The following AFF4 variants were observed in gnomAD, a reference collection of about 807,000 sequenced individuals.
AFF4 encodes AF4/FMR2 family member 4.
AFF4 carries 13 observed loss-of-function variants against 124.8 expected under a neutral mutation model. That is an observed-to-expected ratio of 0.10 (90% CI 0.07 to 0.17). The LOEUF is 0.17. Among genes scored for constraint, AFF4 ranks in the 10% least tolerant of loss-of-function variants. AFF4 has a pLI of 1.00. For missense variants in AFF4, 1,092 were observed against 1,403.8 expected (o/e 0.78, Z 3.55); for synonymous variants, 477 against 496.1 (o/e 0.96, Z 0.51).
chr5:132,935,038 G>T, intron 2 of AFF4, 97 bp from the exon 3 acceptor site: 1 of 967,530 alleles, frequency 1.0e-6, no homozygotes. Flanking sequence ...ATGGAAAGGG[G>T]CTTTTCAAAG....
rs764952985 is a variant in AFF4, at chr5:132,893,159, C to T, written c.2308-41G>A. 1.9e-6 allele frequency: 3 copies of T among 1,545,570 alleles called. 1 individual carries two copies. The South Asian group carries it at 3.3e-5, about 17-fold the overall frequency. ...AAACCGTGGTCTGATTTTTATTCAA[C>T]TAACTTCAGCTTCCAGCACTAGCTA... On this transcript the variant is annotated intron_variant, in intron 11 of 20. Transcript: ENST00000265343.
chr5:132,928,549 T>C (rs1761232146), intron 4 of AFF4, among the ~76,000 whole-genome samples: 1 of 152,214 alleles, frequency 6.6e-6, no homozygotes, highest in Admixed American at 6.5e-5. Context: ...TAGACTACTA[T>C]GGCACATGTA....
In AFF4 at chr5:132,904,353, G is replaced by A; in HGVS notation, c.1087+15C>T. On this transcript the variant is annotated intron_variant, in intron 6 of 20. Transcript: ENST00000265343. ...ATAGCTTAATTTGAAAACAAAGAGG[G>A]AAAGAAATACTCACTTTGTTCTCCA... 1 of 1,606,120 alleles carries A rather than the reference G, an allele frequency of 6.2e-7. No individual in the cohort carries two copies. Among genetic ancestry groups the A allele is most frequent in the Non-Finnish European group, 8.5e-7 (1 of 1,176,156 alleles).
chr5:132,881,406 G>C (rs1157867933), intron 20 of AFF4, among the ~76,000 whole-genome samples: 2 of 152,180 alleles, frequency 1.3e-5, no homozygotes, highest in African/African-American at 4.8e-5. Flanking sequence ...TGTATGGTCA[G>C]AAATTAAGTG....
chr5:132,960,081 G>T (rs1220695908), intron 1 of AFF4, among the ~76,000 whole-genome samples: 1 of 152,050 alleles, frequency 6.6e-6, no homozygotes, highest in Admixed American at 6.6e-5. Flanking sequence ...TTAAACCAAA[G>T]GAAAAAGCAG....
chr5:132,933,101 A>G (rs923860279), intron 3 of AFF4, among the ~76,000 whole-genome samples: 1 of 152,138 alleles, frequency 6.6e-6, no homozygotes, highest in African/African-American at 2.4e-5. Context: ...AACTACATTA[A>G]AAGATAAAAT....
intron 5 of AFF4, among the ~76,000 whole-genome samples, chr5:132,920,040 T>C (rs1483994309): frequency 1.3e-5 from 2 of 151,552 alleles, no homozygotes; most frequent in Non-Finnish European, 2.9e-5. Context: ...TAGGCAAAGA[T>C]TTTTCTTTTT....
chr5:132,951,304 T>TC (rs1473002124), intron 1 of AFF4, among the ~76,000 whole-genome samples: 1 of 152,090 alleles, frequency 6.6e-6, no homozygotes, highest in Non-Finnish European at 1.5e-5. Flanking sequence ...ATTCTCCACC[T>TC]CCTCAGCAAC....
In AFF4 at chr5:132,893,204, T is replaced by C. The variant is rs576451632; in HGVS notation, c.2308-86A>G. On this transcript the variant is annotated intron_variant, in intron 11 of 20. Transcript: ENST00000265343. Reference sequence around the variant, plus strand: ...TAGCTACCCACAAAGAGTTTATCCATGATTAGGCATCAGAAAGAAGATAAA... The same window carrying C: ...TAGCTACCCACAAAGAGTTTATCCACGATTAGGCATCAGAAAGAAGATAAA... The C allele has an allele frequency of 7.2e-5, 73 of 1,013,332 alleles. No homozygotes were observed. In the African/African-American group the frequency reaches 1.0e-3, roughly 14 times the overall value. The allele number at this position is 1,013,332 out of a possible 1,614,324, so 62.8% of individuals were successfully genotyped here. A position where few individuals can be genotyped will look rare whatever the true frequency, so the allele number is the denominator to read the frequency against.
chr5:132,932,749 C>A (rs779808836), intron 3 of AFF4, among the ~76,000 whole-genome samples: 1 of 152,192 alleles, frequency 6.6e-6, no homozygotes, highest in Admixed American at 6.5e-5. Context: ...TGAAAGATTA[C>A]TAGTCTGGAA....
chr5:132,938,292 G>C (rs1761480499), intron 1 of AFF4, among the ~76,000 whole-genome samples: 1 of 149,224 alleles, frequency 6.7e-6, no homozygotes, highest in Non-Finnish European at 1.5e-5. Context: ...TTGAAACAGA[G>C]TCTTGCTCTA....
At chr5:132,936,882 T>C (rs1217794602) in intron 2 of AFF4, among the ~76,000 whole-genome samples, 185 bp downstream of exon 2, 2 of 152,224 alleles carry the variant, frequency 1.3e-5, no homozygotes, top group African/African-American at 4.8e-5. Flanking sequence ...TATTTTTCTG[T>C]AAGCATAATA....
At chr5:132,945,785 G>A (rs1472521971) in intron 1 of AFF4, among the ~76,000 whole-genome samples, 1 of 151,160 alleles carries the variant, frequency 6.6e-6, no homozygotes, top group East Asian at 2.0e-4. Context: ...AACAGGCCGG[G>A]CACGGTGGCT....
intron 2 of AFF4, among the ~76,000 whole-genome samples, chr5:132,935,925 A>T (rs796531245): frequency 1.4e-5 from 2 of 142,844 alleles, no homozygotes; most frequent in East Asian, 4.0e-4. Flanking sequence ...TCCTTCTCAT[A>T]AAAAAAAAAA....
At chr5:132,926,322 G>C in intron 5 of AFF4, 1 of 372,062 alleles carries the variant, frequency 2.7e-6, no homozygotes, top group Non-Finnish European at 5.4e-6. Context: ...TGTATTATTT[G>C]TTTTAAGTGT....
chr5:132,884,325 C>T (rs1035865786), intron 19 of AFF4, among the ~76,000 whole-genome samples: 3 of 152,132 alleles, frequency 2.0e-5, no homozygotes, highest in Admixed American at 6.5e-5. Flanking sequence ...GCAACCTCCA[C>T]GCCTCCCTGG....
chr5:132,934,678 A>C lies in AFF4; in HGVS notation c.387T>G (p.Ser129Arg). The C allele has an allele frequency of 6.2e-7, 1 of 1,613,730 alleles. No individual in the cohort carries two copies. Among genetic ancestry groups the C allele is most frequent in the Non-Finnish European group, 8.5e-7 (1 of 1,179,934 alleles). Reference sequence around the variant, plus strand: ...CGCTGGTCCGCTGGCTACTATGTCCACTCTGTAAGCCTGAGGACCGTTTCT... The same window carrying C: ...CGCTGGTCCGCTGGCTACTATGTCCCCTCTGTAAGCCTGAGGACCGTTTCT... ...QSQKRSSGLQ[S>R]GHSSQRTSAG... The change falls in exon 3 of 21, where the codon AGT (serine) becomes AGG (arginine). Residue 129 changes from serine (S) to arginine (R), a missense_variant. Physicochemically the swap from Ser to Arg is moderately radical, Grantham distance 110. This residue lies in a region of AFF4 where 188 missense variants were observed against 203.0 expected (regional missense o/e 0.93). Transcript: ENST00000265343.
At chr5:132,949,431 C>A (rs766316335) in intron 1 of AFF4, among the ~76,000 whole-genome samples, 2 of 152,142 alleles carry the variant, frequency 1.3e-5, no homozygotes, top group Non-Finnish European at 2.9e-5. Flanking sequence ...AATCCCCGCA[C>A]TTTGGGAGGC....
intron 17 of AFF4, among the ~76,000 whole-genome samples, chr5:132,887,280 G>A (rs546290498): frequency 2.0e-5 from 3 of 152,322 alleles, no homozygotes; most frequent in African/African-American, 4.8e-5. Context: ...GACCATGGAG[G>A]TTTCTACTAT....
Sources: gnomAD v4.1 joint callset for allele counts (sites outside exome capture counted in the v4.1 genomes callset) on GRCh38, gnomAD v4.1.1 for gene constraint, gnomAD v4.1.1 regional missense constraint, MANE v1.5 for transcripts, NCBI Gene and HGNC (gene_info 2026-07-23, HGNC 2026-07-21) for gene names.